BCL11A: variants seen among roughly 807,000 people sequenced by gnomAD.
BCL11A encodes the protein B cell CLL/lymphoma 11A.
In BCL11A, 2 loss-of-function variants were observed where a neutral mutation model predicts 55.9. That is an observed-to-expected ratio of 0.04 (90% CI 0.01 to 0.11). The LOEUF (loss-of-function observed/expected upper bound fraction) is 0.11, where lower values mean the gene tolerates loss of function less well. Among genes scored for constraint, BCL11A ranks in the 10% least tolerant of loss-of-function variants. The probability of loss-of-function intolerance (pLI) is 1.00; values close to 1 mark genes in which losing one functional copy is unlikely to be tolerated. For missense variants in BCL11A, 817 were observed against 1,137.1 expected, an observed-to-expected ratio of 0.72 and a Z score of 4.05; for synonymous variants, 465 against 473.4, an observed-to-expected ratio of 0.98 and a Z score of 0.23.
At chr2:60,503,424 T>C (rs562725734) in intron 2 of BCL11A, among the ~76,000 whole-genome samples, 28 of 152,340 alleles carry the variant, frequency 1.8e-4, no homozygotes, top group African/African-American at 6.3e-4. Flanking sequence ...TGGAAGACAG[T>C]AGGCTATTGC....
At chr2:60,499,386 T>C (rs1573012969) in intron 2 of BCL11A, among the ~76,000 whole-genome samples, 2 of 152,230 alleles carry the variant, frequency 1.3e-5, no homozygotes, top group East Asian at 1.9e-4. Flanking sequence ...CTGGGAAAGG[T>C]TGCACATTCT....
At chr2:60,491,457 G>A (rs1678627366) in intron 2 of BCL11A, among the ~76,000 whole-genome samples, 1 of 152,058 alleles carries the variant, frequency 6.6e-6, no homozygotes, top group African/African-American at 2.4e-5. Flanking sequence ...AGGATCACCT[G>A]AGGTCAGGAG....
At chr2:60,542,685 G>C (rs934645385) in intron 2 of BCL11A, 1 of 152,264 alleles carries the variant, frequency 6.6e-6, no homozygotes, top group East Asian at 1.9e-4. Context: ...TGGATGAAGT[G>C]GGGGAGCACA....
chr2:60,470,330 C>T (rs2022099), intron 2 of BCL11A, among the ~76,000 whole-genome samples: 152,292 of 152,330 alleles, frequency 1, 76,127 homozygotes, highest in Middle Eastern at 1. Flanking sequence ...TGACTGTTTA[C>T]GTCAAGTGAA....
chr2:60,545,623 T>C (rs1670114168), intron 2 of BCL11A: 1 of 226,276 alleles, frequency 4.4e-6, no homozygotes, highest in Non-Finnish European at 8.8e-6. Context: ...TCACCAAGGC[T>C]GGAAATGGAC....
At position 60,461,527 on chromosome 2, in the gene BCL11A, G is replaced by A. The variant is rs748197184; in HGVS notation, c.1385C>T (p.Ala462Val). 3.7e-6 allele frequency: 6 copies of A among 1,608,314 alleles called. No homozygotes were observed. Among genetic ancestry groups the A allele is most frequent in the Non-Finnish European group, 5.1e-6 (6 of 1,179,976 alleles). Residue 462 changes from alanine to valine, a missense_variant, in exon 4 of 4, where the codon GCG (alanine) becomes GTG (valine). Coordinates refer to ENST00000642384, the MANE Select transcript of BCL11A (RefSeq NM_022893.4). ...GAACTTGGCCACCACGGACTTGAGC[G>A]CGCTGCTGGCGCTGCCCACCAAGTC... ...TSDLVGSASS[A>V]LKSVVAKFKS...
chr2:60,536,581 A>G (rs1573078257), intron 2 of BCL11A: 1 of 152,186 alleles, frequency 6.6e-6, no homozygotes, highest in East Asian at 1.9e-4. Context: ...ATTAAAAACA[A>G]AAGTTTAGAA....
chr2:60,525,648 A>G (rs1669169094), intron 2 of BCL11A: 1 of 152,180 alleles, frequency 6.6e-6, no homozygotes, highest in African/African-American at 2.4e-5. Flanking sequence ...CAAACTATCT[A>G]TTTTACCTAC....
chr2:60,469,041 G>T (rs897541061), intron 2 of BCL11A, among the ~76,000 whole-genome samples: 2 of 152,150 alleles, frequency 1.3e-5, no homozygotes, highest in African/African-American at 4.8e-5. Flanking sequence ...CGGTCTTTTT[G>T]ACAAAAGTGA....
At position 60,487,278 on chromosome 2, in the gene BCL11A, T is replaced by C. The variant is rs972921104; in HGVS notation, c.386-18445A>G. On this transcript the variant is annotated intron_variant, in intron 2 of 3. Coordinates refer to ENST00000642384, the MANE Select transcript of BCL11A (RefSeq NM_022893.4). ...GCAAGTCGATTAGCTAAGCTCTTCA[T>C]GCTAATGTCAGCAGAGCCCATGTTA... is the stretch of plus-strand genomic sequence containing the variant. 7.9e-5 allele frequency among the ~76,000 whole-genome samples: 12 copies of C among 152,342 alleles called. No individual in the cohort carries two copies. In the East Asian group the frequency reaches 1.9e-3, roughly 24 times the overall value.
intron 2 of BCL11A, chr2:60,534,013 T>C (rs935753422): frequency 2.0e-5 from 3 of 152,256 alleles, no homozygotes; most frequent in African/African-American, 7.2e-5. Context: ...GAATATCAGT[T>C]ACACTGTTCT....
Position 60,461,023 on chromosome 2 carries a change from C to A in BCL11A, c.1889G>T (p.Ser630Ile). ...GAGCTTGATGCGCTTAGAGAAGGGG[C>A]TCAGCGAGCTGGGGCTGCCCAGCAG... The part of the protein sequence containing the change: ...KLLLGSPSSL[S>I]PFSKRIKLEK... Residue 630 changes from serine (S) to isoleucine (I), a missense_variant, in exon 4 of 4, where the codon AGC becomes ATC. Ser to Ile is a moderately radical substitution (Grantham distance 142). This residue lies in a region of BCL11A where 379 missense variants were observed against 425.3 expected (regional missense o/e 0.89). Transcript: ENST00000642384. 1 of 1,607,800 alleles carries A rather than the reference C, an allele frequency of 6.2e-7. No individual in the cohort carries two copies. The highest frequency in any genetic ancestry group is 8.5e-7 in the Non-Finnish European group (1 of 1,176,450).
intron 2 of BCL11A, among the ~76,000 whole-genome samples, chr2:60,511,265 C>T (rs765449238): frequency 6.6e-6 from 1 of 152,216 alleles, no homozygotes; most frequent in African/African-American, 2.4e-5. Flanking sequence ...CCTGAGAGCC[C>T]GGGATGCAGC....
chr2:60,515,039 T>C (rs145739746), intron 2 of BCL11A, among the ~76,000 whole-genome samples: 38 of 152,102 alleles, frequency 2.5e-4, no homozygotes, highest in Admixed American at 6.5e-5. Context: ...AGAATGCCAC[T>C]ACCAGCTTCC....
chr2:60,541,963 A>G, intron 2 of BCL11A: 1 of 688,060 alleles, frequency 1.5e-6, no homozygotes, highest in Non-Finnish European at 2.7e-6. Context: ...AAGAAAAGGT[A>G]AGTTCATTTT....
At chr2:60,481,767 A>G (rs1448730857) in intron 2 of BCL11A, among the ~76,000 whole-genome samples, 1 of 152,120 alleles carries the variant, frequency 6.6e-6, no homozygotes, top group African/African-American at 2.4e-5. Flanking sequence ...TAATTTTCTA[A>G]CAGAACCCTA....
At chr2:60,474,631 A>G (rs866887049) in intron 2 of BCL11A, among the ~76,000 whole-genome samples, 1 of 152,360 alleles carries the variant, frequency 6.6e-6, no homozygotes, top group Middle Eastern at 3.4e-3. Context: ...ATAAAAAGAC[A>G]AATTGTCTTA....
intron 2 of BCL11A, among the ~76,000 whole-genome samples, chr2:60,475,084 G>A (rs1476696021): frequency 6.6e-6 from 1 of 152,218 alleles, no homozygotes; most frequent in Non-Finnish European, 1.5e-5. Context: ...AGCAGGTAAA[G>A]ATGCTTAGAG....
At chr2:60,539,192 T>C (rs1042647457) in intron 2 of BCL11A, among the ~76,000 whole-genome samples, 5 of 152,328 alleles carry the variant, frequency 3.3e-5, no homozygotes, top group Admixed American at 6.5e-5. Flanking sequence ...TTTATTATGG[T>C]GTGGTGGTGG....
Sources: allele counts gnomAD v4.1 joint callset (sites outside exome capture counted in the v4.1 genomes callset), GRCh38; gene constraint gnomAD v4.1.1; regional missense constraint gnomAD v4.1.1; transcripts MANE v1.5; gene names NCBI Gene and HGNC (gene_info 2026-07-23, HGNC 2026-07-21).